Variants in SETD6 observed in about 807,000 individuals in gnomAD.
SETD6 encodes SET domain containing 6, protein lysine methyltransferase, also known as N-lysine methyltransferase SETD6.
In SETD6, 67 loss-of-function variants were observed where a neutral mutation model predicts 52.7. The observed-to-expected ratio is 1.27, with a 90% CI of 1.04 to 1.56. The LOEUF is 1.56. Ranked by LOEUF, SETD6 falls within the 40% of genes most tolerant of loss-of-function variation. The probability of loss-of-function intolerance (pLI) is 0.00; values close to 1 mark genes in which losing one functional copy is unlikely to be tolerated. For synonymous variants in SETD6, 307 were observed against 250.2 expected (o/e 1.23, Z -2.14); for missense variants, 712 against 607.5 (o/e 1.17, Z -1.81).
At chr16:58,516,416 C>T (rs745551123) in intron 3 of SETD6, 62 bp from the exon 4 acceptor site, 2 of 1,612,772 alleles carry the variant, frequency 1.2e-6, no homozygotes, top group Admixed American at 3.3e-5. Context: ...GCCCCTGCAC[C>T]AGTCCTACCC....
chr16:58,518,569 A>G (rs962365604), intron 7 of SETD6, 26 bp downstream of exon 7: 2 of 1,592,782 alleles, frequency 1.3e-6, no homozygotes, highest in Non-Finnish European at 1.7e-6. Context: ...TGGCCATTTA[A>G]TGCTGATAAT....
Position 58,516,051 on chromosome 16 carries a change from G to A in SETD6, c.288G>A (p.Ala96=), listed in dbSNP as rs1317505673. The A allele has an allele frequency of 5.3e-6, 8 of 1,508,022 alleles. No individual in the cohort carries two copies. In the South Asian group the frequency reaches 1.0e-4, roughly 19 times the overall value. The allele number at this position is 1,508,022 out of a possible 1,614,324, so 93.4% of individuals were successfully genotyped here. ...TGTTGTTCGTGGTGCCGCGGGCCGC[G>A]CTCCTGTCGCAGCACACCTGCTCCA... ...GELLFVVPRA[A]LLSQHTCSIG... Residue 96 remains alanine, a synonymous_variant, in exon 2 of 8, where the codon GCG becomes GCA. Coordinates refer to ENST00000219315, the MANE Select transcript of SETD6 (RefSeq NM_001160305.4).
In SETD6 at chr16:58,516,553, C is replaced by T; in HGVS notation, c.552C>T (p.Ile184=). The change falls in exon 4 of 8, where the codon ATC becomes ATT. Residue 184 remains isoleucine, a synonymous_variant. Transcript: ENST00000219315. ...CCGTGGAGAAGGATTTGGCCAACAT[C>T]CGCAGCGAGTACCAGTCCATCGTGC... The part of the protein sequence containing the change: ...PEAVEKDLAN[I]RSEYQSIVLP... The T allele has an allele frequency of 1.9e-6, 3 of 1,614,188 alleles. No individual in the cohort carries two copies. Among genetic ancestry groups the T allele is most frequent in the South Asian group, 2.2e-5 (2 of 91,080 alleles).
rs2039281044 is a variant in SETD6, at chr16:58,519,338, A to ATAAT, written c.*310_*313dup. ...AAGTCTTGTTGTGTTTCAGCATTTA[A>ATAAT]TAATAGACTTTGGAGGTAGACCCCT... On this transcript the variant is annotated 3_prime_UTR_variant, in exon 8 of 8. Coordinates refer to ENST00000219315, the MANE Select transcript of SETD6 (RefSeq NM_001160305.4). The ATAAT allele has an allele frequency of 7.5e-6, 2 of 268,094 alleles. No individual in the cohort carries two copies. The highest frequency in any genetic ancestry group is 1.3e-3 in the Middle Eastern group (1 of 754). 16.6% of individuals were successfully genotyped at this position (268,094 alleles called of 1,614,324 possible).
Position 58,516,521 on chromosome 16 carries a change from C to T in SETD6, c.520C>T (p.Pro174Ser), listed in dbSNP as rs1288372496. The T allele has an allele frequency of 2.5e-6, 4 of 1,613,988 alleles. No individual in the cohort carries two copies. In the Admixed American group the frequency reaches 6.7e-5, roughly 27 times the overall value. The change falls in exon 4 of 8, where the codon CCT becomes TCT. Residue 174 changes from proline to serine, a missense_variant. Transcript: ENST00000219315. ...RRCLLQGTGV[P>S]EAVEKDLANI... ...GTGCCTGCTCCAGGGCACAGGCGTACCTGAGGCCGTGGAGAAGGATTTGGC... is the reference window on the plus strand; with the variant it reads ...GTGCCTGCTCCAGGGCACAGGCGTATCTGAGGCCGTGGAGAAGGATTTGGC...
rs1395451263 is a variant in SETD6 at position 58,516,021 on chromosome 16, A to C, written c.258A>C (p.Gly86=). ...GMVARESVQA[G]ELLFVVPRAA... ...TGGCCCGGGAGAGCGTGCAGGCCGG[A>C]GAGCTGTTGTTCGTGGTGCCGCGGG... The change falls in exon 2 of 8, where the codon GGA becomes GGC. Residue 86 remains glycine (G), a synonymous_variant. Transcript: ENST00000219315. The C allele has an allele frequency of 3.9e-6, 6 of 1,538,440 alleles. No individual in the cohort carries two copies. In the East Asian group the frequency reaches 1.6e-4, roughly 40 times the overall value.
rs2039337770 is a variant in SETD6 at position 58,520,622 on chromosome 16, T to TC, written c.*1594dup. 1 of 280,770 alleles carries TC rather than the reference T, an allele frequency of 3.6e-6. No homozygotes were observed. The highest frequency in any genetic ancestry group is 6.1e-5 in the South Asian group (1 of 16,472). 17.4% of individuals were successfully genotyped at this position (280,770 alleles called of 1,614,324 possible). A position where few individuals can be genotyped will look rare whatever the true frequency, so the allele number is the denominator to read the frequency against. Reference sequence around the variant, plus strand: ...CAAGTGCATGGCATCAGCTGCCTCTTCATTACAAGGTACCAGTTTATGTAC... The same window carrying TC: ...CAAGTGCATGGCATCAGCTGCCTCTTCCATTACAAGGTACCAGTTTATGTAC... On this transcript the variant is annotated 3_prime_UTR_variant, in exon 8 of 8. Transcript: ENST00000219315.
chr16:58,518,831 C>T lies in SETD6; in HGVS notation c.1224C>T (p.Leu408=), dbSNP rs779714954. 1 of 1,614,166 alleles carries T rather than the reference C, an allele frequency of 6.2e-7. No individual in the cohort carries two copies. Among genetic ancestry groups the T allele is most frequent in the South Asian group, 1.1e-5 (1 of 91,078 alleles). ...TGACGATCACAAATATTCCCAAGCT[C>T]AAAGCATCGTGGAGACAGCTGCTTC... ...GSLTITNIPK[L]KASWRQLLQN... is the part of the protein sequence containing the mutation. The change falls in exon 8 of 8, where the codon CTC becomes CTT. Residue 408 remains leucine (L), a synonymous_variant. Coordinates refer to ENST00000219315, the MANE Select transcript of SETD6 (RefSeq NM_001160305.4).
rs1043962000 is a variant in SETD6 at position 58,515,851 on chromosome 16, C to T, written c.88C>T (p.Arg30Trp). The change falls in exon 2 of 8, where the codon CGG (arginine) becomes TGG (tryptophan). Residue 30 changes from arginine (R) to tryptophan (W), a missense_variant. Physicochemically the swap from Arg to Trp is moderately radical, Grantham distance 101. Coordinates refer to ENST00000219315, the MANE Select transcript of SETD6 (RefSeq NM_001160305.4). The stretch of plus-strand genomic sequence containing the variant: ...TGTGGCCTGCTTCCTGAGCTGGTGC[C>T]GGCGGGTGGGGCTGGAGCTGAGTCC... ...DPVACFLSWCRRVGLELSPKV... is the reference protein window; with the variant it reads ...DPVACFLSWCWRVGLELSPKV... The T allele has an allele frequency of 2.0e-6, 3 of 1,532,050 alleles. No individual in the cohort carries two copies. Among genetic ancestry groups the T allele is most frequent in the Admixed American group, 2.0e-5 (1 of 49,678 alleles). The allele number at this position is 1,532,050 out of a possible 1,614,324, so 94.9% of individuals were successfully genotyped here. A position where few individuals can be genotyped will look rare whatever the true frequency, so the allele number is the denominator to read the frequency against.
Position 58,523,464 on chromosome 16 carries a change from G to A in SETD6, c.*4435G>A, listed in dbSNP as rs1174853825. On this transcript the variant is annotated 3_prime_UTR_variant, in exon 8 of 8. Coordinates refer to ENST00000219315, the MANE Select transcript of SETD6 (RefSeq NM_001160305.4). ...TAGTGAGTGTGGCTATTTGGGTACC[G>A]GAGCTGATTTGCAATTGCATTCAAA... is the stretch of plus-strand genomic sequence containing the variant. 6.2e-7 allele frequency: 1 copy of A among 1,613,960 alleles called. No homozygotes were observed. The highest frequency in any genetic ancestry group is 1.7e-5 in the Admixed American group (1 of 60,012).
chr16:58,520,834 G>T lies in SETD6; in HGVS notation c.*1805G>T. The T allele has an allele frequency of 1.1e-6, 1 of 950,880 alleles. No individual in the cohort carries two copies. Among genetic ancestry groups the T allele is most frequent in the Non-Finnish European group, 1.6e-6 (1 of 611,042 alleles). The allele number at this position is 950,880 out of a possible 1,614,324, so 58.9% of individuals were successfully genotyped here. A position where few individuals can be genotyped will look rare whatever the true frequency, so the allele number is the denominator to read the frequency against. ...GAGGCTGATCCCAACAGTAGTTGGG[G>T]CAGATACCCACAAACCAAAGGGCTG... On this transcript the variant is annotated 3_prime_UTR_variant, in exon 8 of 8. Coordinates refer to ENST00000219315, the MANE Select transcript of SETD6 (RefSeq NM_001160305.4).
intron 1 of SETD6, 34 bp from the exon 2 acceptor site, chr16:58,515,757 G>C: frequency 6.9e-7 from 1 of 1,439,606 alleles, no homozygotes; most frequent in Non-Finnish European, 9.1e-7. Flanking sequence ...CCTCTCTGGG[G>C]GTCGGACCTG....
chr16:58,517,410 TAGTA>T (rs538265104), intron 5 of SETD6: 63 of 180,118 alleles, frequency 3.5e-4, no homozygotes, highest in Non-Finnish European at 6.6e-4. Context: ...GATCAGAAAT[TAGTA>T]AGTATGGTTA....
At chr16:58,517,001 C>A (rs750242019) in intron 5 of SETD6, 73 bp downstream of exon 5, 4 of 1,608,368 alleles carry the variant, frequency 2.5e-6, no homozygotes, top group Non-Finnish European at 3.4e-6. Flanking sequence ...CATTCTCTTA[C>A]TAGTGCTACA....
rs1259233349 is a variant in SETD6 at position 58,522,412 on chromosome 16, T to C, written c.*3383T>C. On this transcript the variant is annotated 3_prime_UTR_variant, in exon 8 of 8. Transcript: ENST00000219315. ...TCCAAGGAGACTTACTGCAGCTTTA[T>C]ATAAACAAAATGGATCATCATCATC... Among the ~76,000 whole-genome samples the C allele has an allele frequency of 6.6e-6, 1 of 152,182 alleles. No individual in the cohort carries two copies. Among genetic ancestry groups the C allele is most frequent in the Non-Finnish European group, 1.5e-5 (1 of 68,038 alleles).
At position 58,521,899 on chromosome 16, in the gene SETD6, C is replaced by T. The variant is rs144374945; in HGVS notation, c.*2870C>T. On this transcript the variant is annotated 3_prime_UTR_variant, in exon 8 of 8. Coordinates refer to ENST00000219315, the MANE Select transcript of SETD6 (RefSeq NM_001160305.4). ...CCAGTAGGTGGAGGTTGTGGTGAGC[C>T]GAGATGGTGCCACTGCACTCCAGCC... Among the ~76,000 whole-genome samples the T allele has an allele frequency of 3.3e-5, 5 of 152,002 alleles. No homozygotes were observed. The highest frequency in any genetic ancestry group is 1.2e-4 in the African/African-American group (5 of 41,444).
rs2039343036 is a variant in SETD6, at chr16:58,520,875, G to C, written c.*1846G>C. On this transcript the variant is annotated 3_prime_UTR_variant, in exon 8 of 8. Coordinates refer to ENST00000219315, the MANE Select transcript of SETD6 (RefSeq NM_001160305.4). Reference sequence around the variant, plus strand: ...CAAAGGGCTGGGAAAGTCAGGAAGAGCTGAAAGGATTCTTCAGTCAGTTTA... The same window carrying C: ...CAAAGGGCTGGGAAAGTCAGGAAGACCTGAAAGGATTCTTCAGTCAGTTTA... 7.1e-7 allele frequency: 1 copy of C among 1,404,944 alleles called. No homozygotes were observed. Among genetic ancestry groups the C allele is most frequent in the Non-Finnish European group, 1.0e-6 (1 of 1,003,064 alleles). 87.0% of individuals were successfully genotyped at this position (1,404,944 alleles called of 1,614,324 possible).
In SETD6 at chr16:58,516,114, G is replaced by C; in HGVS notation, c.334+17G>C. On this transcript the variant is annotated intron_variant, in intron 2 of 7. Transcript: ENST00000219315. ...TGGAGCGAGGTGGGCACGGCGGCGG[G>C]CTAGGGCCCTGGGGCGGGGCGGGGC... is the stretch of plus-strand genomic sequence containing the variant. The C allele has an allele frequency of 1.7e-6, 2 of 1,156,808 alleles. No homozygotes were observed. Among genetic ancestry groups the C allele is most frequent in the African/African-American group, 1.8e-5 (1 of 56,004 alleles). The allele number at this position is 1,156,808 out of a possible 1,614,324, so 71.7% of individuals were successfully genotyped here.
rs759747644 is a variant in SETD6 at position 58,518,961 on chromosome 16, C to T, written c.1354C>T (p.Gln452Ter). ...EVYAKLSWRE[Q>*]QALQVRYGQK... ...CTATGCGAAACTCAGCTGGAGGGAA[C>T]AGCAAGCCTTACAGGTTCGCTATGG... The change falls in exon 8 of 8, where the codon CAG (glutamine) becomes TAG (stop). Residue 452 changes from glutamine to a stop codon, truncating the protein, a stop_gained. Transcript: ENST00000219315. LOFTEE classifies it high-confidence loss of function. 6.2e-7 allele frequency: 1 copy of T among 1,614,132 alleles called. No homozygotes were observed. The highest frequency in any genetic ancestry group is 8.5e-7 in the Non-Finnish European group (1 of 1,180,010).
Sources: allele counts gnomAD v4.1 joint callset (sites outside exome capture counted in the v4.1 genomes callset), GRCh38; gene constraint gnomAD v4.1.1; transcripts MANE v1.5; gene names NCBI Gene and HGNC (gene_info 2026-07-23, HGNC 2026-07-21).